PCDH7: variants seen among roughly 807,000 people sequenced by gnomAD.
PCDH7 encodes the protein protocadherin 7, also known as protocadherin-7.
Under a neutral mutation model 58.9 loss-of-function variants are expected in PCDH7, and 17 were observed. That is an observed-to-expected ratio of 0.29 (90% CI 0.20 to 0.43). PCDH7 has a LOEUF of 0.43. Ranked by LOEUF, PCDH7 falls within the 20% of genes least tolerant of loss-of-function variation. The probability of loss-of-function intolerance (pLI) is 1.00; values close to 1 mark genes in which losing one functional copy is unlikely to be tolerated. For synonymous variants in PCDH7, 664 were observed against 616.4 expected (o/e 1.08, Z -1.14); for missense variants, 1,274 against 1,441.0 (o/e 0.88, Z 1.88).
chr4:31,030,021 T>C (rs951524022), intron 3 of PCDH7, among the ~76,000 whole-genome samples: 1 of 152,176 alleles, frequency 6.6e-6, no homozygotes, highest in Non-Finnish European at 1.5e-5. Flanking sequence ...ATGAATTAGC[T>C]ACTCAAAAGA....
intron 3 of PCDH7, among the ~76,000 whole-genome samples, chr4:30,994,953 C>G (rs1397918359): frequency 6.6e-6 from 1 of 151,984 alleles, no homozygotes; most frequent in Non-Finnish European, 1.5e-5. Context: ...GTATTACAAG[C>G]ACACCAGATT....
intron 1 of PCDH7, among the ~76,000 whole-genome samples, chr4:30,757,128 T>C (rs1481192759): frequency 6.6e-6 from 1 of 152,212 alleles, no homozygotes; most frequent in Non-Finnish European, 1.5e-5. Context: ...TCAAAAGAGC[T>C]TCTATTTTCA....
intron 1 of PCDH7, among the ~76,000 whole-genome samples, chr4:30,725,897 T>A (rs1210745926): frequency 6.6e-6 from 1 of 152,110 alleles, no homozygotes; most frequent in Non-Finnish European, 1.5e-5. Flanking sequence ...CTGTATATAG[T>A]ACTTTACTGT....
At position 30,799,100 on chromosome 4, in the gene PCDH7, G is replaced by A. The variant is rs548098963; in HGVS notation, c.70+74504G>A. Among the ~76,000 whole-genome samples the A allele has an allele frequency of 3.3e-5, 5 of 152,222 alleles. No individual in the cohort carries two copies. The South Asian group carries it at 1.0e-3, about 32-fold the overall frequency. On this transcript the variant is annotated intron_variant, in intron 1 of 3. Transcript: ENST00000509759. ...ATCAATATCGGAGACATAGTCTGTA[G>A]AGTTACTTTTCTTTCTCCTTTCTTT... is the stretch of plus-strand genomic sequence containing the variant.
chr4:30,836,674 G>T (rs551303656), intron 1 of PCDH7, among the ~76,000 whole-genome samples: 63 of 152,082 alleles, frequency 4.1e-4, no homozygotes, highest in African/African-American at 1.4e-3. Context: ...AGATCTAGGA[G>T]TAAAATAATG....
chr4:30,969,607 T>C (rs1749370990), intron 3 of PCDH7, among the ~76,000 whole-genome samples: 1 of 152,026 alleles, frequency 6.6e-6, no homozygotes, highest in Non-Finnish European at 1.5e-5. Context: ...GTCCCAGAGA[T>C]CTAAGAATGC....
At chr4:30,892,174 C>T (rs1034558361) in intron 1 of PCDH7, among the ~76,000 whole-genome samples, 3 of 151,826 alleles carry the variant, frequency 2.0e-5, no homozygotes, top group East Asian at 1.9e-4. Flanking sequence ...TTATTTCATT[C>T]GGATTTCACT....
intron 3 of PCDH7, among the ~76,000 whole-genome samples, chr4:31,030,835 A>G (rs1754846626): frequency 6.6e-6 from 1 of 152,180 alleles, no homozygotes; most frequent in South Asian, 2.1e-4. Flanking sequence ...AAAAACTACA[A>G]GACAGTTGTA....
intron 3 of PCDH7, among the ~76,000 whole-genome samples, chr4:31,137,558 T>C (rs748781158): frequency 3.2e-4 from 49 of 152,194 alleles, no homozygotes; most frequent in Non-Finnish European, 4.1e-4. Context: ...CACTCCAGCC[T>C]GGATGACAGA....
intron 3 of PCDH7, among the ~76,000 whole-genome samples, chr4:31,122,678 A>T (rs1011198518): frequency 6.6e-6 from 1 of 152,062 alleles, no homozygotes; most frequent in African/African-American, 2.4e-5. Context: ...AGCGTGTTGA[A>T]GACAAACATT....
At chr4:30,742,466 C>G (rs770313723) in intron 1 of PCDH7, among the ~76,000 whole-genome samples, 8 of 152,046 alleles carry the variant, frequency 5.3e-5, no homozygotes, top group Non-Finnish European at 1.2e-4. Flanking sequence ...CAAATTGATC[C>G]ATATAATATA....
Position 30,849,082 on chromosome 4 carries a change from TTGTG to T in PCDH7, c.71-71070_71-71067del, listed in dbSNP as rs1459531652. ...ATTCTAACTAAACACATTCACTTAT[TTGTG>T]GTTTGTCAGTGGAGAAAAATAGCAT... On this transcript the variant is annotated intron_variant, in intron 1 of 3. Coordinates refer to the PCDH7 transcript ENST00000509759. Among the ~76,000 whole-genome samples, 20 of 152,246 alleles carry T rather than the reference TTGTG, an allele frequency of 1.3e-4. No homozygotes were observed. The East Asian group carries it at 3.7e-3, about 28-fold the overall frequency.
intron 3 of PCDH7, among the ~76,000 whole-genome samples, chr4:30,996,158 C>G (rs1045114009): frequency 5.3e-5 from 8 of 152,280 alleles, no homozygotes; most frequent in Non-Finnish European, 1.0e-4. Flanking sequence ...TTTCTTTAGA[C>G]TTTTTCCTTT....
intron 1 of PCDH7, among the ~76,000 whole-genome samples, chr4:30,897,885 G>T (rs1739657612): frequency 6.6e-6 from 1 of 152,144 alleles, no homozygotes; most frequent in Non-Finnish European, 1.5e-5. Context: ...CAATATATAT[G>T]ATTCTTTGGC....
intron 3 of PCDH7, among the ~76,000 whole-genome samples, chr4:31,009,121 C>G (rs764835793): frequency 6.6e-6 from 1 of 151,874 alleles, no homozygotes; most frequent in Non-Finnish European, 1.5e-5. Flanking sequence ...ACTTGGTCTG[C>G]GTAATTAAAA....
chr4:30,943,775 T>A (rs764120743), intron 2 of PCDH7, among the ~76,000 whole-genome samples: 3 of 151,894 alleles, frequency 2.0e-5, no homozygotes, highest in Non-Finnish European at 4.4e-5. Flanking sequence ...GTATTTTATG[T>A]GTGGCCCAAG....
chr4:30,852,726 C>T (rs1467171132), intron 1 of PCDH7, among the ~76,000 whole-genome samples: 1 of 147,032 alleles, frequency 6.8e-6, no homozygotes. Context: ...AGAATTCCAG[C>T]ATTATTGGCC....
intron 1 of PCDH7, among the ~76,000 whole-genome samples, chr4:30,869,348 A>G (rs984001738): frequency 6.6e-6 from 1 of 152,062 alleles, no homozygotes; most frequent in African/African-American, 2.4e-5. Flanking sequence ...GGTTTGTTAC[A>G]TAGGTATACA....
chr4:30,846,445 G>C (rs1731966215), intron 1 of PCDH7, among the ~76,000 whole-genome samples: 1 of 151,532 alleles, frequency 6.6e-6, no homozygotes, highest in African/African-American at 2.4e-5. Context: ...ACCAGATGCT[G>C]GCAACTTGAT....
Sources: allele counts gnomAD v4.1 joint callset (sites outside exome capture counted in the v4.1 genomes callset), GRCh38; gene constraint gnomAD v4.1.1; transcripts MANE v1.5; gene names NCBI Gene and HGNC (gene_info 2026-07-23, HGNC 2026-07-21).